Variants in KIAA1217 observed in about 807,000 individuals in gnomAD.
KIAA1217 encodes KIAA1217, also known as sickle tail protein homolog.
A neutral mutation model predicts 163.9 loss-of-function variants in KIAA1217; 88 were observed. The observed-to-expected ratio is 0.54, with a 90% CI of 0.45 to 0.64. The LOEUF is 0.64. Ranked by LOEUF, KIAA1217 falls within the 30% of genes least tolerant of loss-of-function variation. The pLI is 0.00. For missense variants in KIAA1217, 2,372 were observed against 2,475.0 expected (o/e 0.96, Z 0.88); for synonymous variants, 903 against 923.1 (o/e 0.98, Z 0.39).
intron 2 of KIAA1217, among the ~76,000 whole-genome samples, chr10:24,351,269 C>T (rs1043499188): frequency 3.3e-5 from 5 of 152,140 alleles, no homozygotes; most frequent in African/African-American, 1.2e-4. Context: ...GTCTTGTAAA[C>T]GAATTTTTGG....
At chr10:24,382,118 A>G in intron 3 of KIAA1217, among the ~76,000 whole-genome samples, 1 of 149,660 alleles carries the variant, frequency 6.7e-6, no homozygotes, top group East Asian at 2.0e-4. Context: ...GTGAGGATTT[A>G]GACCTCTCTG....
chr10:24,410,860 G>T (rs1352593402), intron 3 of KIAA1217, among the ~76,000 whole-genome samples: 1 of 152,168 alleles, frequency 6.6e-6, no homozygotes, highest in Non-Finnish European at 1.5e-5. Context: ...TGGGCAAATT[G>T]TAACTCTTTT....
At chr10:23,960,861 CT>C (rs1844790136) in intron 1 of KIAA1217, among the ~76,000 whole-genome samples, 1 of 152,150 alleles carries the variant, frequency 6.6e-6, no homozygotes, top group Non-Finnish European at 1.5e-5. Flanking sequence ...TGGATATGAA[CT>C]ACTGTATCTA....
chr10:23,897,432 T>C (rs1290084442), intron 1 of KIAA1217, among the ~76,000 whole-genome samples: 2 of 152,098 alleles, frequency 1.3e-5, no homozygotes, highest in Non-Finnish European at 2.9e-5. Flanking sequence ...TCTGAACTAT[T>C]CTCTGGCTTT....
intron 1 of KIAA1217, among the ~76,000 whole-genome samples, chr10:23,723,207 T>C (rs74324742): frequency 0.071 from 10,805 of 152,230 alleles, 470 homozygotes; most frequent in Middle Eastern, 0.11. Flanking sequence ...CTTATGGGTA[T>C]TGATGCTTTT....
chr10:23,751,155 G>C (rs1456459432), intron 1 of KIAA1217, among the ~76,000 whole-genome samples: 1 of 152,014 alleles, frequency 6.6e-6, no homozygotes, highest in Non-Finnish European at 1.5e-5. Flanking sequence ...AGCCTCCCGA[G>C]TAGCTGAGAT....
chr10:24,028,626 A>G lies in KIAA1217; in HGVS notation c.-171+21252A>G, dbSNP rs184264512. ...CATGTGACCAATTGGAAGCACTTAG[A>G]AGATTTCAAAGACTTCAAAGGGAAA... On this transcript the variant is annotated intron_variant, in intron 2 of 18. Transcript: ENST00000376462. Among the ~76,000 whole-genome samples the G allele has an allele frequency of 3.3e-4, 50 of 152,268 alleles. 1 individual carries two copies. The highest frequency in any genetic ancestry group is 3.0e-3 in the Admixed American group (46 of 15,290).
In KIAA1217 at chr10:24,364,513, G is replaced by A. The variant is rs1591338611; in HGVS notation, c.355-16356G>A. Among the ~76,000 whole-genome samples the A allele has an allele frequency of 3.3e-5, 5 of 152,148 alleles. No homozygotes were observed. The East Asian group carries it at 9.6e-4, about 29-fold the overall frequency. On this transcript the variant is annotated intron_variant, in intron 2 of 20. Transcript: ENST00000376454. ...TTTGTAATCCTGAGAAAACTTATGT[G>A]TGATTATAGGATCCTGAGGCCTAAA...
At chr10:24,249,936 A>G (rs2131475089) in intron 2 of KIAA1217, among the ~76,000 whole-genome samples, 1 of 152,312 alleles carries the variant, frequency 6.6e-6, no homozygotes, top group Admixed American at 6.5e-5. Flanking sequence ...AAACACGACT[A>G]TCACAATCAT....
At chr10:24,049,870 G>C (rs1849365224) in intron 2 of KIAA1217, among the ~76,000 whole-genome samples, 1 of 152,168 alleles carries the variant, frequency 6.6e-6, no homozygotes, top group Non-Finnish European at 1.5e-5. Context: ...CTAGATCCTT[G>C]AGGAATCGCC....
At chr10:24,446,251 G>A (rs2060925482) in intron 5 of KIAA1217, among the ~76,000 whole-genome samples, 1 of 151,926 alleles carries the variant, frequency 6.6e-6, no homozygotes, top group Non-Finnish European at 1.5e-5. Flanking sequence ...TTGTAAATTT[G>A]TTTGAGTTCA....
At chr10:24,124,844 A>G (rs1473305490) in intron 2 of KIAA1217, among the ~76,000 whole-genome samples, 2 of 152,216 alleles carry the variant, frequency 1.3e-5, no homozygotes, top group African/African-American at 2.4e-5. Context: ...TAGAATTTTT[A>G]TATTCATAAA....
intron 2 of KIAA1217, among the ~76,000 whole-genome samples, chr10:24,293,150 A>G (rs371450): frequency 6.6e-6 from 1 of 152,218 alleles, no homozygotes; most frequent in African/African-American, 2.4e-5. Flanking sequence ...TCAAGCAGTT[A>G]TTTTGCCTCA....
intron 10 of KIAA1217, among the ~76,000 whole-genome samples, chr10:24,519,830 A>G (rs1260034832): frequency 1.3e-5 from 2 of 151,560 alleles, no homozygotes; most frequent in African/African-American, 2.4e-5. Context: ...TGTTGGCATC[A>G]GCACCACTGA....
intron 2 of KIAA1217, among the ~76,000 whole-genome samples, chr10:24,248,706 A>T (rs560532538): frequency 1.3e-4 from 19 of 148,288 alleles, no homozygotes; most frequent in Non-Finnish European, 2.2e-4. Flanking sequence ...AATGTCCCTC[A>T]TACCTAAACC....
intron 3 of KIAA1217, among the ~76,000 whole-genome samples, chr10:24,425,113 T>C (rs2059075395): frequency 6.6e-6 from 1 of 152,160 alleles, no homozygotes. Flanking sequence ...GTTAACTGAG[T>C]AGGATTCCTA....
At chr10:24,516,883 G>A (rs1166676598) in intron 10 of KIAA1217, among the ~76,000 whole-genome samples, 1 of 152,080 alleles carries the variant, frequency 6.6e-6, no homozygotes, top group South Asian at 2.1e-4. Context: ...CTTTTGGCTG[G>A]GTGCAGTGGC....
chr10:24,503,690 T>G (rs1363239743), intron 9 of KIAA1217, among the ~76,000 whole-genome samples: 2 of 152,194 alleles, frequency 1.3e-5, no homozygotes, highest in Non-Finnish European at 2.9e-5. Flanking sequence ...TGGAAAGTAA[T>G]TGAAAACTAA....
intron 2 of KIAA1217, among the ~76,000 whole-genome samples, chr10:24,373,729 G>A (rs530753315): frequency 2.2e-4 from 33 of 152,312 alleles, no homozygotes; most frequent in African/African-American, 7.9e-4. Context: ...TTTGTTTGCA[G>A]CTGTAGGAAG....
Sources: gnomAD v4.1 joint callset for allele counts (sites outside exome capture counted in the v4.1 genomes callset) on GRCh38, gnomAD v4.1.1 for gene constraint, MANE v1.5 for transcripts, NCBI Gene and HGNC (gene_info 2026-07-23, HGNC 2026-07-21) for gene names.